PPP2R5A: variants seen among roughly 807,000 people sequenced by gnomAD.
PPP2R5A encodes the protein protein phosphatase 2 regulatory subunit B'alpha.
PPP2R5A carries 25 observed loss-of-function variants against 64.2 expected under a neutral mutation model. The observed-to-expected ratio is 0.39, with a 90% CI of 0.28 to 0.54. The LOEUF (loss-of-function observed/expected upper bound fraction) is 0.54, where lower values mean the gene tolerates loss of function less well. Ranked by LOEUF, PPP2R5A falls within the 20% of genes least tolerant of loss-of-function variation. The pLI, the probability that PPP2R5A is intolerant of heterozygous loss-of-function variation, is 0.67. For missense variants in PPP2R5A, 425 were observed against 576.3 expected (o/e 0.74, Z 2.69); for synonymous variants, 198 against 201.2 (o/e 0.98, Z 0.13).
Position 212,313,663 on chromosome 1 carries a change from A to G in PPP2R5A, c.182-15472A>G, listed in dbSNP as rs572569413. ...TGGAATAATTTATTGAACTTTAAAT[A>G]TTTCCTACTGACTTTAAAAAAAAAA... On this transcript the variant is annotated intron_variant, in intron 1 of 12. Coordinates refer to ENST00000261461, the MANE Select transcript of PPP2R5A (RefSeq NM_006243.4). 14 of 151,332 alleles carry G rather than the reference A, an allele frequency of 9.3e-5. No individual in the cohort carries two copies. In the South Asian group the frequency reaches 2.7e-3, roughly 29 times the overall value. The allele number at this position is 151,332 out of a possible 1,614,324, so 9.4% of individuals were successfully genotyped here. A position where few individuals can be genotyped will look rare whatever the true frequency, so the allele number is the denominator to read the frequency against.
intron 1 of PPP2R5A, among the ~76,000 whole-genome samples, chr1:212,302,520 T>C (rs755451696): frequency 6.6e-6 from 1 of 152,220 alleles, no homozygotes; most frequent in Non-Finnish European, 1.5e-5. Flanking sequence ...TTTAAACTTT[T>C]AGTGTCTCTC....
At chr1:212,325,245 A>G (rs1558148052) in intron 1 of PPP2R5A, among the ~76,000 whole-genome samples, 1 of 152,208 alleles carries the variant, frequency 6.6e-6, no homozygotes, top group Non-Finnish European at 1.5e-5. Flanking sequence ...TGTGAACACT[A>G]TAGATCATGA....
At chr1:212,287,634 C>T (rs1425549831) in intron 1 of PPP2R5A, among the ~76,000 whole-genome samples, 2 of 152,164 alleles carry the variant, frequency 1.3e-5, no homozygotes, top group Admixed American at 6.5e-5. Flanking sequence ...CATTTGATTG[C>T]TCTTTAGCAT....
chr1:212,360,587 C>G (rs369666345), intron 12 of PPP2R5A, 51 bp from the exon 13 acceptor site: 2 of 1,440,648 alleles, frequency 1.4e-6, no homozygotes, highest in African/African-American at 1.4e-5. Context: ...CAGCACCTCT[C>G]TTTGGGTTCT....
intron 1 of PPP2R5A, among the ~76,000 whole-genome samples, chr1:212,311,930 GT>G (rs1188272591): frequency 6.6e-6 from 1 of 152,140 alleles, no homozygotes; most frequent in Non-Finnish European, 1.5e-5. Context: ...GAAAGAAAAT[GT>G]TTTAAATAAA....
chr1:212,321,314 A>G (rs1289025672), intron 1 of PPP2R5A, among the ~76,000 whole-genome samples: 275 of 72,280 alleles, frequency 3.8e-3, no homozygotes, highest in Middle Eastern at 0.012. Flanking sequence ...TGGCCGGGCG[A>G]GGGGCTGACC....
chr1:212,314,290 G>A (rs895591133), intron 1 of PPP2R5A, among the ~76,000 whole-genome samples: 2 of 152,112 alleles, frequency 1.3e-5, no homozygotes, highest in Admixed American at 1.3e-4. Context: ...TTTAGCTGAG[G>A]CCTTAGACAT....
intron 4 of PPP2R5A, among the ~76,000 whole-genome samples, chr1:212,344,948 G>T (rs1659748165): frequency 6.6e-6 from 1 of 152,082 alleles, no homozygotes. Context: ...TGGATCGCTT[G>T]AACTCAGGAG....
intron 2 of PPP2R5A, among the ~76,000 whole-genome samples, chr1:212,331,967 AT>A (rs954835879): frequency 6.6e-6 from 1 of 152,218 alleles, no homozygotes; most frequent in Non-Finnish European, 1.5e-5. Context: ...TCTTCTGAAT[AT>A]TTGTTATATA....
At chr1:212,310,438 C>T (rs1659007898) in intron 1 of PPP2R5A, among the ~76,000 whole-genome samples, 2 of 151,920 alleles carry the variant, frequency 1.3e-5, no homozygotes, top group Admixed American at 1.3e-4. Flanking sequence ...TTTTAATGCC[C>T]TGTTGTAAAG....
intron 1 of PPP2R5A, among the ~76,000 whole-genome samples, chr1:212,304,900 T>A (rs895168530): frequency 2.7e-5 from 4 of 150,898 alleles, no homozygotes; most frequent in Non-Finnish European, 4.4e-5. Context: ...GCCTGGCTAA[T>A]TTTTGTATTG....
chr1:212,360,589 T>C (rs1660061766), intron 12 of PPP2R5A, 49 bp from the exon 13 acceptor site: 4 of 1,444,988 alleles, frequency 2.8e-6, no homozygotes, highest in Non-Finnish European at 3.7e-6. Flanking sequence ...GCACCTCTCT[T>C]TGGGTTCTGA....
chr1:212,312,222 TAGC>T (rs1659052233), intron 1 of PPP2R5A, among the ~76,000 whole-genome samples: 2 of 152,236 alleles, frequency 1.3e-5, no homozygotes, highest in South Asian at 4.1e-4. Context: ...CTCTACCATA[TAGC>T]CTAGGCGTGT....
chr1:212,318,589 T>C (rs554528748), intron 1 of PPP2R5A, among the ~76,000 whole-genome samples: 5 of 152,290 alleles, frequency 3.3e-5, no homozygotes, highest in African/African-American at 9.6e-5. Flanking sequence ...ACCATGATAG[T>C]AGATAGTAGT....
intron 2 of PPP2R5A, among the ~76,000 whole-genome samples, chr1:212,330,895 C>T (rs1268418741): frequency 2.0e-5 from 3 of 150,890 alleles, no homozygotes; most frequent in Non-Finnish European, 4.4e-5. Context: ...TGGCTGGGCA[C>T]AGTGGCTCAT....
At chr1:212,345,262 A>G (rs1005871308) in intron 4 of PPP2R5A, among the ~76,000 whole-genome samples, 11 of 152,092 alleles carry the variant, frequency 7.2e-5, no homozygotes, top group Non-Finnish European at 1.2e-4. Context: ...ATTTTATTCT[A>G]ATAACTGAAT....
At chr1:212,293,801 A>G (rs975301084) in intron 1 of PPP2R5A, among the ~76,000 whole-genome samples, 2 of 152,068 alleles carry the variant, frequency 1.3e-5, no homozygotes, top group African/African-American at 4.8e-5. Flanking sequence ...CCGCTACTAT[A>G]TAACCTTACT....
intron 8 of PPP2R5A, chr1:212,352,719 G>C (rs1478732155): frequency 2.0e-6 from 1 of 493,964 alleles, no homozygotes; most frequent in African/African-American, 2.0e-5. Flanking sequence ...CAAAGTGCTG[G>C]GATTAAAGGC....
At chr1:212,349,651 C>T (rs1207215721) in intron 8 of PPP2R5A, among the ~76,000 whole-genome samples, 3 of 152,154 alleles carry the variant, frequency 2.0e-5, no homozygotes, top group Non-Finnish European at 4.4e-5. Context: ...TTTTGCCACT[C>T]ATTAACAATA....
Sources: allele counts gnomAD v4.1 joint callset (sites outside exome capture counted in the v4.1 genomes callset), GRCh38; gene constraint gnomAD v4.1.1; transcripts MANE v1.5; gene names NCBI Gene and HGNC (gene_info 2026-07-23, HGNC 2026-07-21).